The following EXD3 variants were observed in gnomAD, a reference collection of about 807,000 sequenced individuals.
The protein encoded by EXD3 is exonuclease mut-7 homolog.
In EXD3, 92 loss-of-function variants were observed where a neutral mutation model predicts 98.0. That is an observed-to-expected ratio of 0.94 (90% CI 0.79 to 1.12). EXD3 has a LOEUF of 1.12. Among genes scored for constraint, EXD3 ranks in the 50% most tolerant of loss-of-function variants. The pLI, the probability that EXD3 is intolerant of heterozygous loss-of-function variation, is 0.00. For synonymous variants in EXD3, 569 were observed against 526.0 expected, an observed-to-expected ratio of 1.08 and a Z score of -1.12; for missense variants, 1,222 against 1,191.6, an observed-to-expected ratio of 1.03 and a Z score of -0.38.
chr9:137,324,740 C>G lies in EXD3; in HGVS notation c.1999-597G>C, dbSNP rs1243565582. Among the ~76,000 whole-genome samples, 1 of 152,112 alleles carries G rather than the reference C, an allele frequency of 6.6e-6. No homozygotes were observed. Among genetic ancestry groups the G allele is most frequent in the Non-Finnish European group, 1.5e-5 (1 of 67,998 alleles). ...CGGAGTCTCGCTCTTTCGCCCAGGC[C>G]GGAGTGCAGTGGCGCTGTCTTGGCT... On this transcript the variant is annotated intron_variant, in intron 17 of 21. Transcript: ENST00000340951. This position sits in a 1 kb window ranked among gnomAD's most constrained non-coding sequence, Gnocchi z 4.1.
intron 17 of EXD3, among the ~76,000 whole-genome samples, chr9:137,341,127 A>G (rs545647643): frequency 6.6e-6 from 1 of 152,158 alleles, no homozygotes; most frequent in African/African-American, 2.4e-5. Context: ...ACCAGCCTGG[A>G]CAACATAGCG....
intron 7 of EXD3, 21 bp from the exon 8 acceptor site, chr9:137,356,389 A>T: frequency 8.5e-6 from 12 of 1,412,388 alleles, no homozygotes; most frequent in African/African-American, 1.4e-5. Context: ...AGAGAGGCAC[A>T]GCCTCTGTTG....
intron 1 of EXD3, among the ~76,000 whole-genome samples, chr9:137,409,329 T>C (rs1837884822): frequency 6.6e-6 from 1 of 152,248 alleles, no homozygotes; most frequent in Non-Finnish European, 1.5e-5. Flanking sequence ...CCTCCTCGGA[T>C]GCTCCCCTCA....
chr9:137,390,506 G>A (rs1588409082), intron 2 of EXD3, among the ~76,000 whole-genome samples: 1 of 152,214 alleles, frequency 6.6e-6, no homozygotes, highest in East Asian at 1.9e-4. Context: ...TATGTTCTGG[G>A]TGGTTTCACA....
chr9:137,326,631 G>A (rs79279080), intron 17 of EXD3, among the ~76,000 whole-genome samples: 24,541 of 152,198 alleles, frequency 0.16, 2,596 homozygotes, highest in East Asian at 0.34. Context: ...TTCGTCATGA[G>A]CGACATGCAA....
intron 2 of EXD3, among the ~76,000 whole-genome samples, chr9:137,387,837 C>T (rs747041609): frequency 1.3e-5 from 2 of 152,194 alleles, no homozygotes; most frequent in African/African-American, 2.4e-5. Flanking sequence ...GATGTTTGGC[C>T]GGAGCTCCGT....
At chr9:137,413,017 G>A (rs888134872) in intron 1 of EXD3, among the ~76,000 whole-genome samples, 3 of 152,036 alleles carry the variant, frequency 2.0e-5, no homozygotes, top group East Asian at 1.9e-4. Flanking sequence ...TCCTGAGCTC[G>A]GTAATCCTCC....
chr9:137,412,546 G>C (rs1838049639), intron 1 of EXD3, among the ~76,000 whole-genome samples: 1 of 152,174 alleles, frequency 6.6e-6, no homozygotes, highest in Admixed American at 6.5e-5. Context: ...AACAGTGTCA[G>C]TGGGAACCAG....
chr9:137,313,530 G>A (rs112211608), intron 19 of EXD3, among the ~76,000 whole-genome samples: 1 of 152,154 alleles, frequency 6.6e-6, no homozygotes, highest in East Asian at 1.9e-4. Context: ...AGGGTGGCAG[G>A]GGCCTCTTTG....
intron 17 of EXD3, among the ~76,000 whole-genome samples, chr9:137,332,647 T>G (rs138001051): frequency 0.15 from 22,247 of 150,816 alleles, 2,084 homozygotes; most frequent in Admixed American, 0.29. Flanking sequence ...ATCGAGACCA[T>G]CCTGGCTAAA....
rs1055643800 is a variant in EXD3, at chr9:137,410,170, C to T, written c.-48+12944G>A. Among the ~76,000 whole-genome samples the T allele has an allele frequency of 2.0e-5, 3 of 151,824 alleles. No homozygotes were observed. The South Asian group carries it at 6.3e-4, about 32-fold the overall frequency. ...CAGCTGGGCAACAGGAGCTAAACTCCGTCTCAAAAAACAAAAATAATTAAC... is the reference window on the plus strand; with the variant it reads ...CAGCTGGGCAACAGGAGCTAAACTCTGTCTCAAAAAACAAAAATAATTAAC... On this transcript the variant is annotated intron_variant, in intron 1 of 21. Transcript: ENST00000340951.
intron 20 of EXD3, 23 bp from the exon 21 acceptor site, chr9:137,307,669 GGTCCGGGACT>G (rs1467694920): frequency 6.2e-7 from 1 of 1,607,644 alleles, no homozygotes; most frequent in Non-Finnish European, 8.5e-7. Context: ...GAAGAGAGCT[GGTCCGGGACT>G]GTCCTAGGGA....
At chr9:137,337,627 G>A (rs949915509) in intron 17 of EXD3, among the ~76,000 whole-genome samples, 14 of 151,438 alleles carry the variant, frequency 9.2e-5, no homozygotes, top group Non-Finnish European at 7.4e-5. Flanking sequence ...CTCCAGCCTG[G>A]GCGACAGAGC....
At chr9:137,406,654 A>G (rs1232944876) in intron 1 of EXD3, among the ~76,000 whole-genome samples, 1 of 152,146 alleles carries the variant, frequency 6.6e-6, no homozygotes, top group Non-Finnish European at 1.5e-5. Flanking sequence ...GAGCAAATGA[A>G]TAAAGGCAGC....
intron 19 of EXD3, among the ~76,000 whole-genome samples, chr9:137,313,210 C>T (rs753650012): frequency 3.3e-5 from 5 of 152,156 alleles, no homozygotes; most frequent in South Asian, 2.1e-4. Flanking sequence ...GTGGGGAACC[C>T]GTGTCCTGGG....
Position 137,351,407 on chromosome 9 carries a change from G to A in EXD3, c.1295C>T (p.Ala432Val). ...CTGCCCTGTTGGTGGCTGCGAGAGT[G>A]CCAGGACGTCCAGAAGGAACACGTG... ...EGHVFLLDVL[A>V]LSQPPTGQGA... The change falls in exon 13 of 22, where the codon GCA becomes GTA. Residue 432 changes from alanine (A) to valine (V), a missense_variant. Coordinates refer to ENST00000340951, the MANE Select transcript of EXD3 (RefSeq NM_017820.5). 6.2e-7 allele frequency: 1 copy of A among 1,609,882 alleles called. No individual in the cohort carries two copies.
Position 137,356,307 on chromosome 9 carries a change from G to C in EXD3, c.718C>G (p.Gln240Glu). The change falls in exon 8 of 22, where the codon CAG (glutamine) becomes GAG (glutamate). Residue 240 changes from glutamine (Q) to glutamate (E), a missense_variant. Transcript: ENST00000340951. ...TACCGCTCCTGCAGACGCAAGACCT[G>C]CCTGCTCAGCGCCTTCGGACTCAGC... ...EKLSPKALSR[Q>E]VLRLQERYGV... 6.2e-7 allele frequency: 1 copy of C among 1,604,812 alleles called. No individual in the cohort carries two copies. The highest frequency in any genetic ancestry group is 1.1e-5 in the South Asian group (1 of 89,220).
intron 1 of EXD3, among the ~76,000 whole-genome samples, chr9:137,408,450 G>A (rs899534916): frequency 3.3e-5 from 5 of 151,086 alleles, no homozygotes; most frequent in Admixed American, 1.3e-4. Flanking sequence ...CGGAGGCTGA[G>A]GCAGGTGAAT....
rs186855332 is a variant in EXD3, at chr9:137,327,196, C to A, written c.1999-3053G>T. On this transcript the variant is annotated intron_variant, in intron 17 of 21. Coordinates refer to ENST00000340951, the MANE Select transcript of EXD3 (RefSeq NM_017820.5). ...TCGCCCAGGCTGGAGTGCAGTGGCACGATCTTGGCTCACTGCAAGTTCTGC... is the reference window on the plus strand; with the variant it reads ...TCGCCCAGGCTGGAGTGCAGTGGCAAGATCTTGGCTCACTGCAAGTTCTGC... Among the ~76,000 whole-genome samples, 509 of 151,114 alleles carry A rather than the reference C, an allele frequency of 3.4e-3. 3 individuals are homozygous for A. The highest frequency in any genetic ancestry group is 0.02 in the Middle Eastern group (6 of 294).
Sources: gnomAD v4.1 joint callset for allele counts (sites outside exome capture counted in the v4.1 genomes callset) on GRCh38, gnomAD v4.1.1 for gene constraint, Gnocchi (gnomAD v3.1) non-coding constraint, MANE v1.5 for transcripts, NCBI Gene and HGNC (gene_info 2026-07-23, HGNC 2026-07-21) for gene names.